The following POSTN variants were observed in gnomAD, a reference collection of about 807,000 sequenced individuals.
POSTN encodes osteoblast specific factor 2 (fasciclin I-like).
Under a neutral mutation model 104.5 loss-of-function variants are expected in POSTN, and 71 were observed. The observed-to-expected ratio is 0.68, with a 90% confidence interval of 0.56 to 0.83. The LOEUF is 0.83. POSTN is among the 40% of genes least tolerant of loss of function. POSTN has a pLI of 0.00. For synonymous variants in POSTN, 355 were observed against 340.7 expected (o/e 1.04, Z -0.46); for missense variants, 949 against 1,006.8 (o/e 0.94, Z 0.78).
chr13:37,569,444 T>C, intron 20 of POSTN, 61 bp from the exon 21 acceptor site: 1 of 1,289,716 alleles, frequency 7.8e-7, no homozygotes, highest in Admixed American at 1.7e-5. Context: ...GACAGCAGAC[T>C]TTATGTCATA....
chr13:37,583,963 A>G lies in POSTN; in HGVS notation c.1243+6T>C, dbSNP rs1308291676. 3.1e-6 allele frequency: 5 copies of G among 1,613,584 alleles called. No homozygotes were observed. The highest frequency in any genetic ancestry group is 8.5e-7 in the Non-Finnish European group (1 of 1,179,698). ...GAGAGCAGGAACAACAGTGTCCAGC[A>G]CATACCAGAAAATGCATTATTCACA... On this transcript the variant is annotated splice_donor_region_variant and intron_variant, in intron 9 of 22. Coordinates refer to ENST00000379747, the MANE Select transcript of POSTN (RefSeq NM_006475.3).
intron 19 of POSTN, 97 bp from the exon 20 acceptor site, chr13:37,569,918 A>G: frequency 1.3e-6 from 1 of 782,782 alleles, no homozygotes; most frequent in Non-Finnish European, 2.1e-6. Context: ...TGGGCCATGT[A>G]GTCTGTGTTG....
At position 37,579,966 on chromosome 13, in the gene POSTN, C is replaced by T. The variant is rs1165208285; in HGVS notation, c.1555G>A (p.Ala519Thr). Reference protein sequence around the residue: ...FSTFLSLLEAADLKELLTQPG... With the variant: ...FSTFLSLLEATDLKELLTQPG... Reference sequence around the variant, plus strand: ...TGTGTCAGGAGCTCTTTCAAGTCTGCAGCTTCAAGTAGGCTGAGGAAGGTG... The same window carrying T: ...TGTGTCAGGAGCTCTTTCAAGTCTGTAGCTTCAAGTAGGCTGAGGAAGGTG... Residue 519 changes from alanine (A) to threonine (T), a missense_variant, in exon 12 of 23, where the codon GCA becomes ACA. By Grantham distance (58) the Ala-to-Thr change is moderately conservative (BLOSUM62 0). Coordinates refer to ENST00000379747, the MANE Select transcript of POSTN (RefSeq NM_006475.3). 2 of 1,613,454 alleles carry T rather than the reference C, an allele frequency of 1.2e-6. No homozygotes were observed. Among genetic ancestry groups the T allele is most frequent in the South Asian group, 1.1e-5 (1 of 91,050 alleles).
At chr13:37,585,546 A>G (rs1034893430) in intron 7 of POSTN, among the ~76,000 whole-genome samples, 1 of 151,426 alleles carries the variant, frequency 6.6e-6, no homozygotes, top group Non-Finnish European at 1.5e-5. Context: ...GTAACCAAAT[A>G]AAGATGATTC....
chr13:37,572,950 TA>T (rs1950299954), intron 17 of POSTN, among the ~76,000 whole-genome samples: 1 of 151,558 alleles, frequency 6.6e-6, no homozygotes, highest in Admixed American at 6.6e-5. Flanking sequence ...GAACTCAAGT[TA>T]TTAATGAGTA....
Position 37,580,650 on chromosome 13 carries a change from C to G in POSTN, c.1440G>C (p.Gly480=), listed in dbSNP as rs574849215. ...GGAATATGTGAATCGCACCGTTTCT[C>G]CCTTGCTTACTCCCTTTCTCCATGC... ...NSCMEKGSKQ[G]RNGAIHIFRE... The change falls in exon 11 of 23, where the codon GGG becomes GGC. Residue 480 remains glycine (G), a synonymous_variant. Transcript: ENST00000379747. 3.4e-5 allele frequency: 55 copies of G among 1,614,056 alleles called. No homozygotes were observed. In the South Asian group the frequency reaches 5.4e-4, roughly 16 times the overall value.
chr13:37,568,172 G>A (rs1436074169), intron 21 of POSTN, among the ~76,000 whole-genome samples: 1 of 151,954 alleles, frequency 6.6e-6, no homozygotes. Flanking sequence ...GTTGTGCTAT[G>A]TACTCTTAGA....
At chr13:37,597,148 G>A in intron 2 of POSTN, 36 bp downstream of exon 2, 3 of 1,386,828 alleles carry the variant, frequency 2.2e-6, no homozygotes, top group Non-Finnish European at 2.9e-6. Context: ...TGTTGTTTTT[G>A]GAACTGACAT....
intron 3 of POSTN, among the ~76,000 whole-genome samples, chr13:37,591,438 A>G (rs1593363363): frequency 6.6e-6 from 1 of 152,160 alleles, no homozygotes; most frequent in African/African-American, 2.4e-5. Flanking sequence ...TCAGACCCAC[A>G]TGGATGGACT....
intron 16 of POSTN, among the ~76,000 whole-genome samples, chr13:37,575,916 C>T (rs760128205): frequency 3.3e-5 from 5 of 152,112 alleles, no homozygotes; most frequent in African/African-American, 4.8e-5. Context: ...AAGTCGAATA[C>T]GAATACACAG....
rs1018705524 is a variant in POSTN at position 37,589,994 on chromosome 13, T to C, written c.441+378A>G. The stretch of plus-strand genomic sequence containing the variant: ...TACGTAATAAAATATTGCTGTATAA[T>C]ACTGCTTATGATAATTTTAAATTTC... On this transcript the variant is annotated intron_variant, in intron 4 of 22. Coordinates refer to ENST00000379747, the MANE Select transcript of POSTN (RefSeq NM_006475.3). Among the ~76,000 whole-genome samples, 82 of 152,292 alleles carry C rather than the reference T, an allele frequency of 5.4e-4. 1 individual carries two copies. Among genetic ancestry groups the C allele is most frequent in the African/African-American group, 1.9e-3 (80 of 41,576 alleles).
chr13:37,590,459 G>C lies in POSTN; in HGVS notation c.354C>G (p.Asp118Glu). 6.2e-7 allele frequency: 1 copy of C among 1,613,418 alleles called. No homozygotes were observed. The change falls in exon 4 of 23, where the codon GAC becomes GAG. Residue 118 changes from aspartate (D) to glutamate (E), a missense_variant. Asp to Glu is a conservative substitution (Grantham distance 45). Coordinates refer to ENST00000379747, the MANE Select transcript of POSTN (RefSeq NM_006475.3). ...VGATTTQRYS[D>E]ASKLREEIEG... is the part of the protein sequence containing the mutation. The stretch of plus-strand genomic sequence containing the variant: ...CGATCTCCTCCCTCAGTTTTGAGGC[G>C]TCAGAATAGCGCTGCGTTGTGGTGG...
chr13:37,570,558 C>T, intron 19 of POSTN, 22 bp downstream of exon 19: 1 of 1,457,852 alleles, frequency 6.9e-7, no homozygotes, highest in Non-Finnish European at 9.6e-7. Flanking sequence ...GGCATAGATC[C>T]ATGTATGGAA....
chr13:37,592,275 A>G lies in POSTN; in HGVS notation c.219-111T>C, dbSNP rs1173223906. The G allele has an allele frequency of 8.6e-6, 6 of 696,476 alleles. No homozygotes were observed. The Admixed American group carries it at 1.9e-4, about 22-fold the overall frequency. 43.1% of individuals were successfully genotyped at this position (696,476 alleles called of 1,614,324 possible). On this transcript the variant is annotated intron_variant, in intron 2 of 22. Transcript: ENST00000379747. ...TGACTTGATTTGTTGAGGTTCTAAA[A>G]ATCAGGTTTTTTTTCCCCCCTGATT...
Position 37,579,114 on chromosome 13 carries a change from T to A in POSTN, c.1799A>T (p.Asp600Val), listed in dbSNP as rs1950504315. 1 of 1,612,330 alleles carries A rather than the reference T, an allele frequency of 6.2e-7. No individual in the cohort carries two copies. The highest frequency in any genetic ancestry group is 1.3e-5 in the African/African-American group (1 of 74,914). The change falls in exon 14 of 23, where the codon GAT becomes GTT. Residue 600 changes from aspartate (D) to valine (V), a missense_variant. Physicochemically the swap from Asp to Val is radical, Grantham distance 152. Coordinates refer to ENST00000379747, the MANE Select transcript of POSTN (RefSeq NM_006475.3). ...GSKIFLKEVN[D>V]TLLVNELKSK... ...TTTCAATTCATTCACCAGAAGTGTA[T>A]CATTTACCTATCAAAATAGGAGGCA...
At chr13:37,580,767 A>G (rs1950561063) in intron 10 of POSTN, 70 bp from the exon 11 acceptor site, 1 of 1,592,638 alleles carries the variant, frequency 6.3e-7, no homozygotes, top group South Asian at 1.1e-5. Flanking sequence ...ATGTAACTAC[A>G]TAATTAAGTT....
At chr13:37,582,654 C>A (rs758005830) in intron 9 of POSTN, 140 bp from the exon 10 acceptor site, 2 of 711,172 alleles carry the variant, frequency 2.8e-6, no homozygotes, top group Non-Finnish European at 4.4e-6. Context: ...ATACATGAAT[C>A]AACCAAATGC....
chr13:37,588,138 C>T (rs915717042), intron 4 of POSTN, 152 bp from the exon 5 acceptor site: 6 of 665,828 alleles, frequency 9.0e-6, no homozygotes, highest in Non-Finnish European at 1.5e-5. Context: ...TTATATTATT[C>T]TAATTGGTTA....
At chr13:37,591,822 G>C (rs1195522504) in intron 3 of POSTN, among the ~76,000 whole-genome samples, 1 of 152,124 alleles carries the variant, frequency 6.6e-6, no homozygotes, top group Admixed American at 6.5e-5. Flanking sequence ...CAAGTTCAAA[G>C]AACAGGATTT....
Sources: gnomAD v4.1 joint callset for allele counts (sites outside exome capture counted in the v4.1 genomes callset) on GRCh38, gnomAD v4.1.1 for gene constraint, MANE v1.5 for transcripts, NCBI Gene and HGNC (gene_info 2026-07-23, HGNC 2026-07-21) for gene names.